Variants in PLVAP observed in about 807,000 individuals in gnomAD.
PLVAP encodes plasmalemma vesicle-associated protein.
Under a neutral mutation model 43.1 loss-of-function variants are expected in PLVAP, and 34 were observed. That is an observed-to-expected ratio of 0.79 (90% CI 0.60 to 1.05). PLVAP has a LOEUF of 1.05. Ranked by LOEUF, PLVAP falls within the 50% of genes least tolerant of loss-of-function variation. The pLI, the probability that PLVAP is intolerant of heterozygous loss-of-function variation, is 0.00. For synonymous variants in PLVAP, 241 were observed against 237.3 expected (o/e 1.02, Z -0.14); for missense variants, 574 against 593.4 (o/e 0.97, Z 0.34).
At chr19:17,374,005 T>C (rs1013617217) in intron 1 of PLVAP, among the ~76,000 whole-genome samples, 30 of 151,794 alleles carry the variant, frequency 2.0e-4, no homozygotes, top group African/African-American at 7.0e-4. Context: ...CTACTAAAAA[T>C]ACAAAACTTA....
chr19:17,351,799 A>G lies in PLVAP; in HGVS notation c.*563T>C, dbSNP rs1244822916. 6.5e-6 allele frequency: 1 copy of G among 153,378 alleles called. No individual in the cohort carries two copies. Among genetic ancestry groups the G allele is most frequent in the East Asian group, 1.9e-4 (1 of 5,226 alleles). 9.5% of individuals were successfully genotyped at this position (153,378 alleles called of 1,614,324 possible). A position where few individuals can be genotyped will look rare whatever the true frequency, so the allele number is the denominator to read the frequency against. ...CGGGGGAACGTGACACTAGGTGAGA[A>G]TTGGGTAGAAAGTGTGTGTGAAAGG... On this transcript the variant is annotated 3_prime_UTR_variant, in exon 6 of 6. Coordinates refer to ENST00000252590, the MANE Select transcript of PLVAP (RefSeq NM_031310.3).
In PLVAP at chr19:17,363,724, G is replaced by A. The variant is rs192760073; in HGVS notation, c.1179+1562C>T. 3.1e-3 allele frequency among the ~76,000 whole-genome samples: 454 copies of A among 148,506 alleles called. 15 individuals are homozygous for A. In the East Asian group the frequency reaches 0.069, roughly 23 times the overall value. On this transcript the variant is annotated intron_variant, in intron 3 of 5. Transcript: ENST00000252590. The stretch of plus-strand genomic sequence containing the variant: ...CAAGTAGCTGGGATTACAGGTGTGT[G>A]CCACCACACCCGGCTAATTTTTTTT...
chr19:17,373,047 C>G (rs1161174124), intron 1 of PLVAP, among the ~76,000 whole-genome samples: 1 of 107,664 alleles, frequency 9.3e-6, no homozygotes, highest in Admixed American at 1.5e-4. Flanking sequence ...GCCTTGGCGA[C>G]AGAGCTAGAC....
At chr19:17,359,949 G>A (rs546318385) in intron 5 of PLVAP, among the ~76,000 whole-genome samples, 29 of 152,018 alleles carry the variant, frequency 1.9e-4, no homozygotes, top group South Asian at 1.2e-3. Flanking sequence ...CCTCACCCCC[G>A]TCCAGCCTCC....
intron 4 of PLVAP, 40 bp downstream of exon 4, chr19:17,360,732 G>GGGGCCC: frequency 6.2e-7 from 1 of 1,602,462 alleles, no homozygotes; most frequent in Non-Finnish European, 8.5e-7. Flanking sequence ...GAGGTGGAAA[G>GGGGCCC]GGGCCCCTCC....
Position 17,352,119 on chromosome 19 carries a change from A to C in PLVAP, c.*243T>G. 1 of 560,808 alleles carries C rather than the reference A, an allele frequency of 1.8e-6. No individual in the cohort carries two copies. The highest frequency in any genetic ancestry group is 2.3e-5 in the South Asian group (1 of 43,632). 34.7% of individuals were successfully genotyped at this position (560,808 alleles called of 1,614,324 possible). The stretch of plus-strand genomic sequence containing the variant: ...GACGCCATCACCACGGTGATATGTG[A>C]CGTCAGCGCCGTTGCTTGCGTGACG... On this transcript the variant is annotated 3_prime_UTR_variant, in exon 6 of 6. Transcript: ENST00000252590.
chr19:17,355,093 G>A (rs1350732228), intron 5 of PLVAP, among the ~76,000 whole-genome samples: 2 of 149,044 alleles, frequency 1.3e-5, no homozygotes, highest in African/African-American at 2.5e-5. Flanking sequence ...GGCTGGTGGC[G>A]GGCACCTGTA....
intron 4 of PLVAP, 30 bp downstream of exon 4, chr19:17,360,742 C>T (rs2074524701): frequency 3.7e-6 from 6 of 1,608,054 alleles, no homozygotes; most frequent in Non-Finnish European, 5.1e-6. Context: ...GGGGCCCCTC[C>T]CCTACTTGGC....
At chr19:17,376,114 G>C (rs973024336) in intron 1 of PLVAP, among the ~76,000 whole-genome samples, 1 of 151,988 alleles carries the variant, frequency 6.6e-6, no homozygotes, top group East Asian at 1.9e-4. Context: ...GGATGTCAAG[G>C]CTTCAGTGAG....
At chr19:17,368,925 C>A (rs1247866536) in intron 1 of PLVAP, among the ~76,000 whole-genome samples, 1 of 151,208 alleles carries the variant, frequency 6.6e-6, no homozygotes, top group Non-Finnish European at 1.5e-5. Context: ...TTGCAGTGAG[C>A]CGAGATCGCG....
intron 3 of PLVAP, among the ~76,000 whole-genome samples, chr19:17,361,689 A>T (rs965427913): frequency 6.6e-6 from 1 of 152,120 alleles, no homozygotes; most frequent in East Asian, 1.9e-4. Flanking sequence ...CTCAGCCTAA[A>T]CCCAGTCCTA....
chr19:17,370,141 A>T (rs948264920), intron 1 of PLVAP, among the ~76,000 whole-genome samples: 2 of 152,178 alleles, frequency 1.3e-5, no homozygotes, highest in Non-Finnish European at 2.9e-5. Flanking sequence ...CCCAAAATGA[A>T]CAGTAACAGG....
chr19:17,370,154 TTGATGAG>T (rs2074566885), intron 1 of PLVAP, among the ~76,000 whole-genome samples: 2 of 152,066 alleles, frequency 1.3e-5, no homozygotes. Flanking sequence ...GTAACAGGTG[TTGATGAG>T]GATGTGGGGA....
intron 3 of PLVAP, among the ~76,000 whole-genome samples, chr19:17,363,997 C>T (rs143409169): frequency 0.11 from 17,430 of 151,798 alleles, 1,359 homozygotes; most frequent in African/African-American, 0.22. Context: ...CCACCCACCT[C>T]GGCCGCCCAA....
chr19:17,373,292 C>T (rs535195479), intron 1 of PLVAP, among the ~76,000 whole-genome samples: 7 of 151,712 alleles, frequency 4.6e-5, no homozygotes, highest in Middle Eastern at 3.4e-3. Context: ...TCTGGGGAGA[C>T]GGTGCTTTGC....
Position 17,376,982 on chromosome 19 carries a change from G to C in PLVAP, c.307C>G (p.Leu103Val). ...CGGTCCAGGTCGCGGCGAGCATTCA[G>C]CCACATCTGCATGATGGCATCCTTG... is the stretch of plus-strand genomic sequence containing the variant. ...RAKDAIMQMW[L>V]NARRDLDRIN... Residue 103 changes from leucine to valine, a missense_variant, in exon 1 of 6, where the codon CTG (leucine) becomes GTG (valine). By Grantham distance (32) the Leu-to-Val change is conservative. Coordinates refer to ENST00000252590, the MANE Select transcript of PLVAP (RefSeq NM_031310.3). 1 of 1,614,162 alleles carries C rather than the reference G, an allele frequency of 6.2e-7. No individual in the cohort carries two copies. Among genetic ancestry groups the C allele is most frequent in the African/African-American group, 1.3e-5 (1 of 75,054 alleles).
intron 3 of PLVAP, among the ~76,000 whole-genome samples, chr19:17,361,765 C>A (rs1432802219): frequency 6.6e-6 from 1 of 152,094 alleles, no homozygotes; most frequent in African/African-American, 2.4e-5. Flanking sequence ...CTTGACCCAA[C>A]CTCTATGAAA....
chr19:17,372,044 C>T (rs10418546), intron 1 of PLVAP, among the ~76,000 whole-genome samples: 8,576 of 134,124 alleles, frequency 0.064, 265 homozygotes, highest in South Asian at 0.082. Flanking sequence ...GCTGGGAGTT[C>T]GAGACCAGCC....
rs59152541 is a variant in PLVAP, at chr19:17,373,065, CAAAAAAAA to C, written c.369+3847_369+3854del. Among the ~76,000 whole-genome samples the C allele has an allele frequency of 5.4e-3, 248 of 45,698 alleles. 1 individual carries two copies. Among genetic ancestry groups the C allele is most frequent in the African/African-American group, 0.018 (234 of 12,956 alleles). 30.0% of individuals were successfully genotyped at this position (45,698 alleles called of 152,430 possible). The stretch of plus-strand genomic sequence containing the variant: ...TTGGCGACAGAGCTAGACTCTGTCT[CAAAAAAAA>C]AAAAAAAAAAAAAAAAAAAAGAAAG... On this transcript the variant is annotated intron_variant, in intron 1 of 5. Coordinates refer to ENST00000252590, the MANE Select transcript of PLVAP (RefSeq NM_031310.3).
Sources: allele counts gnomAD v4.1 joint callset (sites outside exome capture counted in the v4.1 genomes callset), GRCh38; gene constraint gnomAD v4.1.1; transcripts MANE v1.5; gene names NCBI Gene and HGNC (gene_info 2026-07-23, HGNC 2026-07-21).